GALNT14: variants seen among roughly 807,000 people sequenced by gnomAD.
GALNT14 encodes polypeptide N-acetylgalactosaminyltransferase 14.
A neutral mutation model predicts 77.5 loss-of-function variants in GALNT14; 60 were observed. The ratio of observed to expected loss-of-function variants is 0.77; its 90% CI spans 0.63 to 0.96. The LOEUF is 0.96. Ranked by LOEUF, GALNT14 falls within the 40% of genes least tolerant of loss-of-function variation. GALNT14 has a pLI of 0.00. For missense variants in GALNT14, 710 were observed against 731.0 expected (o/e 0.97, Z 0.33); for synonymous variants, 280 against 281.7 (o/e 0.99, Z 0.06).
At chr2:30,937,285 C>G (rs947635646) in intron 9 of GALNT14, among the ~76,000 whole-genome samples, 12 of 152,372 alleles carry the variant, frequency 7.9e-5, no homozygotes, top group African/African-American at 2.6e-4. Flanking sequence ...TCTAATTAAT[C>G]TTTGCAACAG....
rs1046981687 is a variant in GALNT14 at position 31,130,744 on chromosome 2, G to C, written c.129+7214C>G. 9.7e-5 allele frequency among the ~76,000 whole-genome samples: 13 copies of C among 133,616 alleles called. No individual in the cohort carries two copies. The East Asian group carries it at 2.7e-3, about 27-fold the overall frequency. 87.7% of individuals were successfully genotyped at this position (133,616 alleles called of 152,430 possible). ...TTCCCCAGGGTACCTCTGTGTGTGT[G>C]TGTGTGTGTGTGTGTGTGTGTGTGT... On this transcript the variant is annotated intron_variant, in intron 1 of 14. Coordinates refer to ENST00000349752, the MANE Select transcript of GALNT14 (RefSeq NM_024572.4).
intron 6 of GALNT14, among the ~76,000 whole-genome samples, chr2:30,954,010 GA>G: frequency 6.6e-6 from 1 of 152,322 alleles, no homozygotes; most frequent in Non-Finnish European, 1.5e-5. Flanking sequence ...GACTAACCCA[GA>G]AGAGGAAATG....
At chr2:31,099,203 T>C (rs1350649779) in intron 1 of GALNT14, among the ~76,000 whole-genome samples, 3 of 152,154 alleles carry the variant, frequency 2.0e-5, no homozygotes, top group Non-Finnish European at 4.4e-5. Flanking sequence ...TTTGATGAGG[T>C]AATGTTAAGT....
intron 1 of GALNT14, among the ~76,000 whole-genome samples, chr2:30,996,989 C>T (rs935950233): frequency 6.6e-6 from 1 of 152,170 alleles, no homozygotes; most frequent in African/African-American, 2.4e-5. Flanking sequence ...AATAATATCA[C>T]TATTTCAATA....
rs1363627904 is a variant in GALNT14 at position 31,138,393 on chromosome 2, T to C, written c.-307A>G. The C allele has an allele frequency of 2.9e-5, 10 of 341,142 alleles. No homozygotes were observed. Among genetic ancestry groups the C allele is most frequent in the South Asian group, 6.9e-5 (2 of 29,056 alleles). 21.1% of individuals were successfully genotyped at this position (341,142 alleles called of 1,614,324 possible). A position where few individuals can be genotyped will look rare whatever the true frequency, so the allele number is the denominator to read the frequency against. On this transcript the variant is annotated 5_prime_UTR_variant, in exon 1 of 15. Coordinates refer to ENST00000349752, the MANE Select transcript of GALNT14 (RefSeq NM_024572.4). ...ATGTTCCCCACGCCGCCACCGCGGC[T>C]GCCGCCGCCGCCGCCGCCGCCTTGC...
At chr2:31,068,606 A>G (rs942564804) in intron 1 of GALNT14, among the ~76,000 whole-genome samples, 3 of 152,148 alleles carry the variant, frequency 2.0e-5, no homozygotes, top group Non-Finnish European at 4.4e-5. Context: ...CTCCCCCTGC[A>G]AAGAAGCCAC....
intron 1 of GALNT14, among the ~76,000 whole-genome samples, chr2:31,099,332 C>T (rs940142550): frequency 7.1e-6 from 1 of 141,222 alleles, no homozygotes; most frequent in Non-Finnish European, 1.5e-5. Flanking sequence ...CTTTGGAACT[C>T]TTTATTTAAG....
chr2:31,108,667 T>A (rs1402136059), intron 1 of GALNT14, among the ~76,000 whole-genome samples: 1 of 152,248 alleles, frequency 6.6e-6, no homozygotes, highest in African/African-American at 2.4e-5. Flanking sequence ...TGAAATCATA[T>A]GCCCTTTTTC....
intron 1 of GALNT14, among the ~76,000 whole-genome samples, chr2:31,055,908 T>A (rs77890207): frequency 6.6e-6 from 1 of 152,242 alleles, no homozygotes; most frequent in Non-Finnish European, 1.5e-5. Context: ...ACAGCGCTAA[T>A]AGCAATGATT....
intron 2 of GALNT14, among the ~76,000 whole-genome samples, chr2:30,991,771 G>A (rs1397439277): frequency 6.6e-6 from 1 of 152,184 alleles, no homozygotes; most frequent in East Asian, 1.9e-4. Flanking sequence ...AGAAGACAAG[G>A]TTTCCAAGTA....
chr2:30,905,436 C>T, the GALNT14 span, among the ~76,000 whole-genome samples: 4 of 151,790 alleles, frequency 2.6e-5, no homozygotes, highest in South Asian at 2.1e-4. Flanking sequence ...GGAGCCGATG[C>T]GATCAACTGG....
At chr2:30,973,970 G>T (rs1265925684) in intron 2 of GALNT14, among the ~76,000 whole-genome samples, 1 of 152,160 alleles carries the variant, frequency 6.6e-6, no homozygotes, top group Non-Finnish European at 1.5e-5. Context: ...GAAGTGAACT[G>T]CTTAGGAACT....
intron 11 of GALNT14, among the ~76,000 whole-genome samples, chr2:30,926,682 A>G (rs891430427): frequency 6.6e-6 from 1 of 151,388 alleles, no homozygotes; most frequent in African/African-American, 2.4e-5. Flanking sequence ...AGCAGTGCCT[A>G]GCAGCAGAAG....
At chr2:30,916,298 G>T (rs1664674203) in intron 13 of GALNT14, among the ~76,000 whole-genome samples, 1 of 152,314 alleles carries the variant, frequency 6.6e-6, no homozygotes, top group Middle Eastern at 3.4e-3. Flanking sequence ...TAATTTCCAG[G>T]TTTTCTCTCT....
At chr2:30,916,092 C>T (rs1389533466) in intron 13 of GALNT14, among the ~76,000 whole-genome samples, 4 of 152,162 alleles carry the variant, frequency 2.6e-5, no homozygotes, top group Non-Finnish European at 4.4e-5. Flanking sequence ...AGTAATCACC[C>T]CAGCACCTGG....
chr2:30,918,406 G>C (rs1266738478), intron 13 of GALNT14, among the ~76,000 whole-genome samples: 1 of 152,166 alleles, frequency 6.6e-6, no homozygotes, highest in Non-Finnish European at 1.5e-5. Flanking sequence ...TCACTGCAAG[G>C]AACAAATGGG....
intron 13 of GALNT14, among the ~76,000 whole-genome samples, chr2:30,917,696 G>A (rs1490173666): frequency 3.3e-5 from 5 of 152,158 alleles, no homozygotes; most frequent in African/African-American, 7.2e-5. Flanking sequence ...TAACCACTAC[G>A]GTTCCCGTTT....
intron 1 of GALNT14, chr2:31,132,638 C>T: frequency 2.2e-6 from 1 of 455,332 alleles, no homozygotes. Context: ...ACCTAACAGA[C>T]TCCATCTTGC....
intron 1 of GALNT14, among the ~76,000 whole-genome samples, chr2:31,071,904 C>T (rs940169177): frequency 6.6e-6 from 1 of 152,182 alleles, no homozygotes; most frequent in African/African-American, 2.4e-5. Flanking sequence ...AGCAGGCCCC[C>T]ATGCAACTGC....
Sources: allele counts gnomAD v4.1 joint callset (sites outside exome capture counted in the v4.1 genomes callset), GRCh38; gene constraint gnomAD v4.1.1; transcripts MANE v1.5; gene names NCBI Gene and HGNC (gene_info 2026-07-23, HGNC 2026-07-21).